The following DMRT1 variants were observed in gnomAD, a reference collection of about 807,000 sequenced individuals.
DMRT1 encodes doublesex and mab-3 related transcription factor 1.
Under a neutral mutation model 32.3 loss-of-function variants are expected in DMRT1, and 7 were observed. The observed-to-expected ratio is 0.22, with a 90% CI of 0.12 to 0.41. The LOEUF (loss-of-function observed/expected upper bound fraction) is 0.41. Among genes scored for constraint, DMRT1 ranks in the 10% least tolerant of loss-of-function variants. DMRT1 has a pLI of 1.00. For missense variants in DMRT1, 625 were observed against 500.5 expected, an observed-to-expected ratio of 1.25 and a Z score of -2.37; for synonymous variants, 278 against 206.1, an observed-to-expected ratio of 1.35 and a Z score of -2.99.
intron 3 of DMRT1, among the ~76,000 whole-genome samples, chr9:914,875 A>G (rs531032790): frequency 1.3e-5 from 2 of 152,320 alleles, no homozygotes; most frequent in East Asian, 3.9e-4. Context: ...AGCTCTTTCT[A>G]CCAAACAGCA....
chr9:886,727 C>T (rs187847598), intron 2 of DMRT1, among the ~76,000 whole-genome samples: 3 of 151,834 alleles, frequency 2.0e-5, no homozygotes, highest in Admixed American at 6.6e-5. Context: ...TGTTTTGTGG[C>T]GTATCAGTTG....
chr9:917,296 T>C (rs1193312308), intron 4 of DMRT1, among the ~76,000 whole-genome samples: 1 of 152,208 alleles, frequency 6.6e-6, no homozygotes, highest in African/African-American at 2.4e-5. Flanking sequence ...CATTTTAAAA[T>C]TGAAGGCGTA....
At chr9:917,458 A>T (rs117581804) in intron 4 of DMRT1, among the ~76,000 whole-genome samples, 1 of 152,362 alleles carries the variant, frequency 6.6e-6, no homozygotes, top group Non-Finnish European at 1.5e-5. Context: ...AATACATAGT[A>T]ACTCGACTTC....
rs180959329 is a variant in DMRT1 at position 847,873 on chromosome 9, G to A, written c.538+730G>A. 5.5e-4 allele frequency among the ~76,000 whole-genome samples: 83 copies of A among 152,172 alleles called. 1 individual carries two copies. The highest frequency in any genetic ancestry group is 8.8e-5 in the Non-Finnish European group (6 of 68,006). The stretch of plus-strand genomic sequence containing the variant: ...TACAATGAAATAAATGAAAACATTC[G>A]GTTTCTTCATTACACTAGCCACATT... On this transcript the variant is annotated intron_variant, in intron 2 of 4. Coordinates refer to ENST00000382276, the MANE Select transcript of DMRT1 (RefSeq NM_021951.3).
intron 3 of DMRT1, among the ~76,000 whole-genome samples, chr9:909,536 GT>G (rs1244371229): frequency 6.6e-6 from 1 of 151,954 alleles, no homozygotes; most frequent in African/African-American, 2.4e-5. Flanking sequence ...TTTAATGAGG[GT>G]AAAAGTCAAC....
intron 3 of DMRT1, 128 bp downstream of exon 3, chr9:894,323 C>G: frequency 1.0e-6 from 1 of 960,066 alleles, no homozygotes; most frequent in Non-Finnish European, 1.7e-6. Flanking sequence ...GTGACACACA[C>G]AGGTACACAC....
At chr9:854,976 C>G (rs992904000) in intron 2 of DMRT1, among the ~76,000 whole-genome samples, 22 of 150,322 alleles carry the variant, frequency 1.5e-4, no homozygotes, top group East Asian at 4.0e-4. Flanking sequence ...ACCATGTTAG[C>G]CAGGATGGTC....
At chr9:893,133 A>T (rs534169684) in intron 2 of DMRT1, among the ~76,000 whole-genome samples, 4 of 152,274 alleles carry the variant, frequency 2.6e-5, no homozygotes, top group African/African-American at 7.2e-5. Flanking sequence ...CCCTGTGGGC[A>T]CGGCAGCTGG....
chr9:882,387 G>A (rs1033371632), intron 2 of DMRT1, among the ~76,000 whole-genome samples: 1 of 152,114 alleles, frequency 6.6e-6, no homozygotes, highest in Non-Finnish European at 1.5e-5. Context: ...CTTGTTGTGT[G>A]TCTCCTCTCT....
intron 4 of DMRT1, among the ~76,000 whole-genome samples, chr9:954,400 T>C (rs1046555250): frequency 1.3e-5 from 2 of 151,774 alleles, no homozygotes; most frequent in African/African-American, 4.8e-5. Flanking sequence ...GATAGGGTCA[T>C]TGGAAAGGAA....
At chr9:928,473 C>T (rs1048403950) in intron 4 of DMRT1, among the ~76,000 whole-genome samples, 2 of 152,172 alleles carry the variant, frequency 1.3e-5, no homozygotes, top group Non-Finnish European at 2.9e-5. Context: ...CTCTCTGCCT[C>T]TTAGTTGCAG....
At chr9:950,855 C>G (rs185991436) in intron 4 of DMRT1, among the ~76,000 whole-genome samples, 60 of 152,282 alleles carry the variant, frequency 3.9e-4, no homozygotes, top group Admixed American at 1.2e-3. Flanking sequence ...CTGTCTTTTT[C>G]TATCACTTTT....
rs753914100 is a variant in DMRT1, at chr9:842,004, T to C, written c.166T>C (p.Ser56Pro). 2 of 1,557,678 alleles carry C rather than the reference T, an allele frequency of 1.3e-6. No homozygotes were observed. The highest frequency in any genetic ancestry group is 1.4e-5 in the African/African-American group (1 of 73,512). Residue 56 changes from serine to proline, a missense_variant, in exon 1 of 5, where the codon TCC becomes CCC. Ser to Pro is a moderately conservative substitution (Grantham distance 74, BLOSUM62 -1). This residue lies in a region of DMRT1 where 201 missense variants were observed against 152.0 expected (regional missense o/e 1.32). Transcript: ENST00000382276. The stretch of plus-strand genomic sequence containing the variant: ...CGGGGGCAGCAGCAGAGGAGGCGGC[T>C]CCGGCTCCGGGGCGTCGGACCTGGG... The part of the protein sequence containing the change: ...SAGGSSRGGG[S>P]GSGASDLGAG...
intron 4 of DMRT1, among the ~76,000 whole-genome samples, chr9:923,850 C>T (rs4585794): frequency 0.7 from 107,042 of 152,136 alleles, 38,417 homozygotes; most frequent in South Asian, 0.89. Flanking sequence ...ATTTTAGAAA[C>T]GACTTATTAT....
intron 2 of DMRT1, among the ~76,000 whole-genome samples, chr9:883,461 C>T (rs1278669429): frequency 6.6e-6 from 1 of 151,914 alleles, no homozygotes; most frequent in Admixed American, 6.6e-5. Flanking sequence ...CATCGAATGA[C>T]ACAGCCTTTT....
chr9:962,194 G>A (rs916895322), intron 4 of DMRT1, among the ~76,000 whole-genome samples: 4 of 152,188 alleles, frequency 2.6e-5, no homozygotes, highest in Non-Finnish European at 1.5e-5. Flanking sequence ...AGTCAACTGA[G>A]TCAGTAAAAG....
chr9:862,510 A>G (rs1322252553), intron 2 of DMRT1, among the ~76,000 whole-genome samples: 5 of 85,240 alleles, frequency 5.9e-5, no homozygotes, highest in Admixed American at 3.3e-4. Context: ...GGACCGTGCA[A>G]TGGGGAGGGG....
intron 2 of DMRT1, among the ~76,000 whole-genome samples, chr9:882,106 G>A (rs1471625070): frequency 6.6e-6 from 1 of 152,216 alleles, no homozygotes; most frequent in Non-Finnish European, 1.5e-5. Flanking sequence ...GCAGAGGTGT[G>A]GAAGAAGGAG....
intron 3 of DMRT1, 92 bp downstream of exon 3, chr9:894,287 A>G: frequency 1.4e-6 from 2 of 1,392,454 alleles, no homozygotes; most frequent in Non-Finnish European, 2.0e-6. Context: ...GCACACACGC[A>G]CTTGTGCGCC....
Sources: gnomAD v4.1 joint callset for allele counts (sites outside exome capture counted in the v4.1 genomes callset) on GRCh38, gnomAD v4.1.1 for gene constraint, gnomAD v4.1.1 regional missense constraint, MANE v1.5 for transcripts, NCBI Gene and HGNC (gene_info 2026-07-23, HGNC 2026-07-21) for gene names.